Variants in TTLL5 observed in about 807,000 individuals in gnomAD.
TTLL5 encodes the protein tubulin tyrosine ligase like 5, also known as tubulin polyglutamylase TTLL5.
In TTLL5, 132 loss-of-function variants were observed where a neutral mutation model predicts 168.4. The observed-to-expected ratio is 0.78, with a 90% CI of 0.68 to 0.91. TTLL5 has a LOEUF of 0.91. Ranked by LOEUF, TTLL5 falls within the 40% of genes least tolerant of loss-of-function variation. The pLI is 0.00. For missense variants in TTLL5, 1,545 were observed against 1,581.5 expected (o/e 0.98, Z 0.39); for synonymous variants, 546 against 558.6 (o/e 0.98, Z 0.32).
intron 10 of TTLL5, among the ~76,000 whole-genome samples, chr14:75,718,573 G>C (rs1276810549): frequency 1.3e-5 from 2 of 152,210 alleles, no homozygotes; most frequent in Non-Finnish European, 2.9e-5. Flanking sequence ...CTTAACTATA[G>C]TGGGTAGGAT....
intron 3 of TTLL5, among the ~76,000 whole-genome samples, chr14:75,670,295 C>T (rs78744863): frequency 6.6e-6 from 1 of 152,020 alleles, no homozygotes; most frequent in Non-Finnish European, 1.5e-5. Flanking sequence ...AAACTCCTGG[C>T]CTTAAGCAAT....
intron 18 of TTLL5, among the ~76,000 whole-genome samples, chr14:75,754,708 C>T (rs1245047394): frequency 6.6e-6 from 1 of 152,146 alleles, no homozygotes; most frequent in Non-Finnish European, 1.5e-5. Flanking sequence ...TAATTTCAAA[C>T]AGTGATAAAT....
At chr14:75,855,150 G>GAAAAAAAAA (rs55874311) in intron 28 of TTLL5, among the ~76,000 whole-genome samples, 4 of 130,496 alleles carry the variant, frequency 3.1e-5, no homozygotes, top group Non-Finnish European at 6.5e-5. Flanking sequence ...TATGCTAGAA[G>GAAAAAAAAA]AAAAAAAAAA....
At chr14:75,703,636 T>G (rs1886438241) in intron 7 of TTLL5, among the ~76,000 whole-genome samples, 1 of 152,264 alleles carries the variant, frequency 6.6e-6, no homozygotes, top group Non-Finnish European at 1.5e-5. Flanking sequence ...TACTCATTCT[T>G]GTCTCACACA....
intron 27 of TTLL5, among the ~76,000 whole-genome samples, chr14:75,817,925 C>T (rs1894553528): frequency 6.7e-6 from 1 of 150,086 alleles, no homozygotes; most frequent in African/African-American, 2.5e-5. Flanking sequence ...GCAAGCTCCA[C>T]CTCCTGGGTT....
intron 31 of TTLL5, among the ~76,000 whole-genome samples, chr14:75,921,064 A>G: frequency 6.6e-6 from 1 of 151,894 alleles, no homozygotes; most frequent in Non-Finnish European, 1.5e-5. Flanking sequence ...CCACTTTTTG[A>G]TGGGGTTGTT....
chr14:75,782,483 TCAGA>T lies in TTLL5; in HGVS notation c.2516-3_2516del. The T allele has an allele frequency of 6.2e-7, 1 of 1,610,558 alleles. No individual in the cohort carries two copies. ...GAGTCCAAGCTCATTATTTCTTATTTCAGATCACCCTGAGACTATAATGGAAGAA... is the reference window on the plus strand; with the variant it reads ...GAGTCCAAGCTCATTATTTCTTATTTTCACCCTGAGACTATAATGGAAGAA... On this transcript the variant is annotated splice_acceptor_variant and splice_polypyrimidine_tract_variant and coding_sequence_variant and intron_variant, in exon 25 of 32. Transcript: ENST00000298832. LOFTEE classifies it high-confidence loss of function.
Position 75,882,883 on chromosome 14 carries a change from A to C in TTLL5, c.3721A>C (p.Thr1241Pro). Residue 1241 changes from threonine (T) to proline (P), a missense_variant, in exon 30 of 32, where the codon ACA becomes CCA. Thr to Pro is a conservative substitution (Grantham distance 38). Coordinates refer to ENST00000298832, the MANE Select transcript of TTLL5 (RefSeq NM_015072.5). ...CCACGAACAAGTGCTCAGAAGGGCA[A>C]CATCCCAGAAAGCTTCCAAGTAAGT... ...PNHEQVLRRA[T>P]SQKASKGSSA... The C allele has an allele frequency of 6.2e-7, 1 of 1,614,172 alleles. No individual in the cohort carries two copies. Among genetic ancestry groups the C allele is most frequent in the Non-Finnish European group, 8.5e-7 (1 of 1,180,008 alleles).
At chr14:75,704,189 T>C (rs1027512943) in intron 7 of TTLL5, among the ~76,000 whole-genome samples, 2 of 152,224 alleles carry the variant, frequency 1.3e-5, no homozygotes, top group Non-Finnish European at 2.9e-5. Context: ...TATATCATTC[T>C]CCTTTACAAT....
chr14:75,882,908 T>C lies in TTLL5; in HGVS notation c.3740+6T>C, dbSNP rs1401009016. 1 of 1,613,230 alleles carries C rather than the reference T, an allele frequency of 6.2e-7. No homozygotes were observed. Among genetic ancestry groups the C allele is most frequent in the East Asian group, 2.2e-5 (1 of 44,884 alleles). On this transcript the variant is annotated splice_donor_region_variant and intron_variant, in intron 30 of 31. Transcript: ENST00000298832. The stretch of plus-strand genomic sequence containing the variant: ...ACATCCCAGAAAGCTTCCAAGTAAG[T>C]TTTTTTCTGTTCAATTTCTACTGAG...
At chr14:75,889,012 A>G (rs2032260640) in intron 30 of TTLL5, among the ~76,000 whole-genome samples, 1 of 152,162 alleles carries the variant, frequency 6.6e-6, no homozygotes. Context: ...AAGAAATAAT[A>G]ACATTTTAGA....
chr14:75,859,070 G>C (rs1897282912), intron 28 of TTLL5, among the ~76,000 whole-genome samples: 1 of 152,202 alleles, frequency 6.6e-6, no homozygotes, highest in African/African-American at 2.4e-5. Flanking sequence ...GGCTGGACTT[G>C]GGTGGAGGAG....
intron 28 of TTLL5, among the ~76,000 whole-genome samples, chr14:75,851,018 G>T (rs1896820203): frequency 6.8e-6 from 1 of 147,150 alleles, no homozygotes; most frequent in African/African-American, 2.5e-5. Context: ...GATTGCTTGA[G>T]CCTGGGACTT....
At chr14:75,811,180 T>TGTGTGTGTGTGTGC (rs1893992985) in intron 27 of TTLL5, among the ~76,000 whole-genome samples, 1 of 121,174 alleles carries the variant, frequency 8.3e-6, no homozygotes, top group African/African-American at 2.7e-5. Context: ...TGTGTGTGTG[T>TGTGTGTGTGTGTGC]GTGTGTGTAT....
chr14:75,823,260 A>G (rs1279564225), intron 28 of TTLL5, among the ~76,000 whole-genome samples: 2 of 152,128 alleles, frequency 1.3e-5, no homozygotes, highest in Non-Finnish European at 2.9e-5. Flanking sequence ...TTAATTATCC[A>G]TTTTTGGGGT....
chr14:75,705,901 C>T (rs1204821333), intron 7 of TTLL5, among the ~76,000 whole-genome samples: 1 of 151,488 alleles, frequency 6.6e-6, no homozygotes, highest in Non-Finnish European at 1.5e-5. Context: ...TTTCCTTAAT[C>T]TAGAATCCAC....
At position 75,873,396 on chromosome 14, in the gene TTLL5, A is replaced by G. The variant is rs932247138; in HGVS notation, c.3523-9289A>G. Reference sequence around the variant, plus strand: ...GCCCTCCAGAACTTTTTTATATTGCATGACTGAAACCGTACTCATTGAACA... The same window carrying G: ...GCCCTCCAGAACTTTTTTATATTGCGTGACTGAAACCGTACTCATTGAACA... On this transcript the variant is annotated intron_variant, in intron 29 of 31. Coordinates refer to ENST00000298832, the MANE Select transcript of TTLL5 (RefSeq NM_015072.5). 3.9e-5 allele frequency among the ~76,000 whole-genome samples: 6 copies of G among 152,128 alleles called. No homozygotes were observed. In the South Asian group the frequency reaches 1.0e-3, roughly 26 times the overall value.
At chr14:75,871,050 C>T (rs2030993827) in intron 29 of TTLL5, among the ~76,000 whole-genome samples, 1 of 152,182 alleles carries the variant, frequency 6.6e-6, no homozygotes, top group South Asian at 2.1e-4. Context: ...CACCCTCGGC[C>T]TCCCAAAGTG....
chr14:75,898,011 C>A (rs563655367), intron 30 of TTLL5, among the ~76,000 whole-genome samples: 5 of 152,242 alleles, frequency 3.3e-5, no homozygotes, highest in Admixed American at 2.6e-4. Flanking sequence ...GTTAATGGCA[C>A]CTTTTGTCCC....
Sources: gnomAD v4.1 joint callset for allele counts (sites outside exome capture counted in the v4.1 genomes callset) on GRCh38, gnomAD v4.1.1 for gene constraint, MANE v1.5 for transcripts, NCBI Gene and HGNC (gene_info 2026-07-23, HGNC 2026-07-21) for gene names.